MMP26: variants seen among roughly 807,000 people sequenced by gnomAD.
The protein encoded by MMP26 is matrix metalloproteinase-26.
A neutral mutation model predicts 31.0 loss-of-function variants in MMP26; 33 were observed. That is an observed-to-expected ratio of 1.06 (90% confidence interval 0.81 to 1.42). The LOEUF (loss-of-function observed/expected upper bound fraction) is 1.42, where lower values mean the gene tolerates loss of function less well. MMP26 is among the 40% of genes most tolerant of loss of function. MMP26 has a pLI of 0.00. For synonymous variants in MMP26, 122 were observed against 114.9 expected, an observed-to-expected ratio of 1.06 and a Z score of -0.40; for missense variants, 347 against 316.1, an observed-to-expected ratio of 1.10 and a Z score of -0.74.
intron 2 of MMP26, chr11:4,890,168 G>A (rs901425599): frequency 3.3e-5 from 5 of 152,364 alleles, no homozygotes; most frequent in African/African-American, 9.7e-5. Flanking sequence ...GCACTGGTGA[G>A]GATACAGCTC....
chr11:4,849,125 T>A (rs950027883), intron 2 of MMP26: 1 of 1,614,134 alleles, frequency 6.2e-7, no homozygotes, highest in African/African-American at 1.3e-5. Flanking sequence ...GTGCACCTGA[T>A]AGGCCTGGCA....
intron 1 of MMP26, among the ~76,000 whole-genome samples, chr11:4,764,837 C>T (rs1848609212): frequency 6.6e-6 from 1 of 152,128 alleles, no homozygotes; most frequent in Non-Finnish European, 1.5e-5. Context: ...CGCGCAGCGC[C>T]ACTGCACCCC....
intron 2 of MMP26, chr11:4,946,062 A>C: frequency 8.9e-7 from 1 of 1,127,446 alleles, no homozygotes; most frequent in Admixed American, 1.9e-5. Context: ...AACAACAAAA[A>C]TATGTGTTGA....
At chr11:4,723,133 G>C (rs1268707787) in intron 1 of MMP26, 1 of 1,591,702 alleles carries the variant, frequency 6.3e-7, no homozygotes, top group African/African-American at 1.3e-5. Flanking sequence ...CGGACAGCTT[G>C]GAGTTGGCAT....
At chr11:4,979,313 C>T (rs60708555) in intron 2 of MMP26, among the ~76,000 whole-genome samples, 7,493 of 152,142 alleles carry the variant, frequency 0.049, 632 homozygotes, top group African/African-American at 0.17. Flanking sequence ...GAATAAATCC[C>T]CAGGTTGGTT....
chr11:4,891,166 A>G (rs1682711958), intron 2 of MMP26, among the ~76,000 whole-genome samples: 1 of 152,084 alleles, frequency 6.6e-6, no homozygotes, highest in South Asian at 2.1e-4. Context: ...CCATTGCTAT[A>G]AGAAATGCCT....
chr11:4,978,315 G>A (rs559171896), intron 2 of MMP26, among the ~76,000 whole-genome samples: 3 of 152,146 alleles, frequency 2.0e-5, no homozygotes, highest in Admixed American at 6.6e-5. Flanking sequence ...GGATGCCCAG[G>A]GATCACCTAA....
At chr11:4,901,531 T>G (rs1235524109) in intron 2 of MMP26, among the ~76,000 whole-genome samples, 1 of 152,038 alleles carries the variant, frequency 6.6e-6, no homozygotes, top group Non-Finnish European at 1.5e-5. Context: ...GTCTTTCTGT[T>G]ATGTGAGTAG....
intron 2 of MMP26, chr11:4,849,339 T>A: frequency 1.2e-6 from 1 of 841,798 alleles, no homozygotes; most frequent in Non-Finnish European, 1.9e-6. Context: ...TGCACTCACA[T>A]ACACGTACAC....
At chr11:4,756,064 A>T (rs1848501034) in intron 1 of MMP26, among the ~76,000 whole-genome samples, 1 of 152,072 alleles carries the variant, frequency 6.6e-6, no homozygotes, top group East Asian at 1.9e-4. Context: ...CCTTAAGGTA[A>T]TGTAGGTAAT....
intron 1 of MMP26, among the ~76,000 whole-genome samples, chr11:4,747,638 G>A (rs1179359949): frequency 1.3e-5 from 2 of 151,904 alleles, no homozygotes; most frequent in African/African-American, 4.8e-5. Flanking sequence ...ATGTTTTATG[G>A]AAAACAGAAG....
chr11:4,968,623 T>C (rs964957346), intron 2 of MMP26, among the ~76,000 whole-genome samples: 3 of 151,990 alleles, frequency 2.0e-5, no homozygotes, highest in Non-Finnish European at 2.9e-5. Flanking sequence ...CACAGAACTT[T>C]GGTTTTCTAG....
intron 2 of MMP26, chr11:4,908,417 A>G (rs983419986): frequency 1.1e-6 from 1 of 920,914 alleles, no homozygotes; most frequent in Non-Finnish European, 1.7e-6. Flanking sequence ...GATGGAAGTG[A>G]AAAGCTATGT....
intron 2 of MMP26, chr11:4,793,629 C>A (rs1454075052): frequency 6.6e-6 from 1 of 152,086 alleles, no homozygotes; most frequent in Non-Finnish European, 1.5e-5. Context: ...GGGTTTACAT[C>A]CTGAGAATTA....
chr11:4,837,289 C>T (rs1429256754), intron 2 of MMP26, among the ~76,000 whole-genome samples: 6 of 152,130 alleles, frequency 3.9e-5, no homozygotes, highest in African/African-American at 1.4e-4. Context: ...CTCACTGCAG[C>T]CTCCTCCTCC....
chr11:4,915,585 G>T lies in MMP26; in HGVS notation c.-144-72483G>T, dbSNP rs760244072. ...GGGATGGAGATCCAGATGTGCATGC[G>T]CTCCAGCCCAGGGATGCCACTCAGC... is the stretch of plus-strand genomic sequence containing the variant. On this transcript the variant is annotated intron_variant, in intron 2 of 7. Coordinates refer to ENST00000380390, the MANE Select transcript of MMP26 (RefSeq NM_021801.5). 6.8e-6 allele frequency: 11 copies of T among 1,613,882 alleles called. No individual in the cohort carries two copies. The East Asian group carries it at 2.5e-4, about 36-fold the overall frequency.
chr11:4,770,033 A>G (rs1472377838), intron 2 of MMP26: 1 of 628,896 alleles, frequency 1.6e-6, no homozygotes, highest in South Asian at 2.0e-5. Context: ...GAGTTATCCA[A>G]GGTCATAGAT....
chr11:4,755,911 A>G (rs1026134459), intron 1 of MMP26, among the ~76,000 whole-genome samples: 2 of 152,100 alleles, frequency 1.3e-5, no homozygotes, highest in Non-Finnish European at 2.9e-5. Flanking sequence ...AAGGAACAAC[A>G]TCTGGAAAAT....
At chr11:4,849,441 A>G (rs1849942272) in intron 2 of MMP26, among the ~76,000 whole-genome samples, 1 of 152,086 alleles carries the variant, frequency 6.6e-6, no homozygotes, top group South Asian at 2.1e-4. Flanking sequence ...AGCTGTCCTC[A>G]TAGCTCTGTG....
Sources: gnomAD v4.1 joint callset for allele counts (sites outside exome capture counted in the v4.1 genomes callset) on GRCh38, gnomAD v4.1.1 for gene constraint, MANE v1.5 for transcripts, NCBI Gene and HGNC (gene_info 2026-07-23, HGNC 2026-07-21) for gene names.